Variants in TRERF1 observed in about 807,000 individuals in gnomAD.
The protein encoded by TRERF1 is transcriptional-regulating factor 1.
A neutral mutation model predicts 122.9 loss-of-function variants in TRERF1; 27 were observed. The observed-to-expected ratio is 0.22, with a 90% confidence interval of 0.16 to 0.30. The LOEUF is 0.30. Ranked by LOEUF, TRERF1 falls within the 10% of genes least tolerant of loss-of-function variation. The pLI, the probability that TRERF1 is intolerant of heterozygous loss-of-function variation, is 1.00. For missense variants in TRERF1, 1,248 were observed against 1,560.3 expected, an observed-to-expected ratio of 0.80 and a Z score of 3.37; for synonymous variants, 636 against 641.7, an observed-to-expected ratio of 0.99 and a Z score of 0.13.
intron 3 of TRERF1, among the ~76,000 whole-genome samples, chr6:42,335,873 T>C (rs1766069727): frequency 6.6e-6 from 1 of 152,230 alleles, no homozygotes. Context: ...TACTTGCCTG[T>C]TTATGTAATA....
At chr6:42,414,808 T>C (rs568845132) in intron 2 of TRERF1, among the ~76,000 whole-genome samples, 1 of 152,372 alleles carries the variant, frequency 6.6e-6, no homozygotes, top group South Asian at 2.1e-4. Flanking sequence ...CAGGTTTTAT[T>C]TAGCCCATCT....
chr6:42,296,865 A>G (rs955896905), intron 4 of TRERF1, among the ~76,000 whole-genome samples: 3 of 152,216 alleles, frequency 2.0e-5, no homozygotes, highest in Non-Finnish European at 4.4e-5. Flanking sequence ...GGAATGAAGC[A>G]GGAGGGCTGC....
Position 42,263,480 on chromosome 6 carries a change from T to C in TRERF1, c.1724A>G (p.Glu575Gly). 1 of 1,588,714 alleles carries C rather than the reference T, an allele frequency of 6.3e-7. No homozygotes were observed. The highest frequency in any genetic ancestry group is 8.6e-7 in the Non-Finnish European group (1 of 1,164,352). Residue 575 changes from glutamate to glycine, a missense_variant, in exon 8 of 18, where the codon GAG becomes GGG. Physicochemically the swap from Glu to Gly is moderately conservative, Grantham distance 98. This residue lies in a region of TRERF1 where 946 missense variants were observed against 1,073.0 expected (regional missense o/e 0.88). Transcript: ENST00000372922. The surrounding 1 kb of genome is among the most constrained non-coding windows in gnomAD (Gnocchi z 5.6). Reference sequence around the variant, plus strand: ...GACCATAGGCGTGAGGCTTTCTGCCTCGGGAGGGAGCTGTGGTGGCGGCGG... The same window carrying C: ...GACCATAGGCGTGAGGCTTTCTGCCCCGGGAGGGAGCTGTGGTGGCGGCGG...
In TRERF1 at chr6:42,378,817, C is replaced by A. The variant is rs555413294; in HGVS notation, c.-453-15738G>T. 9.2e-5 allele frequency among the ~76,000 whole-genome samples: 14 copies of A among 152,246 alleles called. No individual in the cohort carries two copies. The East Asian group carries it at 1.2e-3, about 13-fold the overall frequency. On this transcript the variant is annotated intron_variant, in intron 2 of 17. Coordinates refer to ENST00000372922, the Ensembl canonical transcript of TRERF1. ...AACCTCCCAATTTTATGAACACAAC[C>A]AAAATTTATATATTGTAGGCTGGGC...
chr6:42,309,503 C>G (rs1002803592), intron 3 of TRERF1, among the ~76,000 whole-genome samples: 2 of 152,176 alleles, frequency 1.3e-5, no homozygotes, highest in Non-Finnish European at 2.9e-5. Flanking sequence ...GTTATATGTG[C>G]AAAATGCTCT....
At chr6:42,253,378 C>T (rs1776179235) in intron 13 of TRERF1, among the ~76,000 whole-genome samples, 1 of 152,282 alleles carries the variant, frequency 6.6e-6, no homozygotes, top group East Asian at 1.9e-4. Flanking sequence ...ACTGTCCCAC[C>T]ATCATGCAAA....
At chr6:42,350,094 A>T (rs778388235) in intron 3 of TRERF1, among the ~76,000 whole-genome samples, 4 of 152,018 alleles carry the variant, frequency 2.6e-5, no homozygotes, top group Admixed American at 6.6e-5. Context: ...CATTTGGGAG[A>T]CCAAAGGGAC....
chr6:42,243,495 G>T (rs1582511946), intron 14 of TRERF1, 134 bp from the exon 15 acceptor site: 3 of 608,378 alleles, frequency 4.9e-6, no homozygotes, highest in Admixed American at 2.8e-5. Flanking sequence ...TGTACCTGGT[G>T]AAAGGCCTCC....
chr6:42,359,305 A>G (rs1771241879), intron 3 of TRERF1, among the ~76,000 whole-genome samples: 2 of 152,224 alleles, frequency 1.3e-5, no homozygotes, highest in Admixed American at 1.3e-4. Flanking sequence ...GTACTGCAGT[A>G]TCTCACTCAA....
At chr6:42,236,897 A>G (rs1227353336) in intron 15 of TRERF1, among the ~76,000 whole-genome samples, 2 of 152,190 alleles carry the variant, frequency 1.3e-5, no homozygotes, top group Non-Finnish European at 2.9e-5. Context: ...ATAACACACC[A>G]TGCAAGATAC....
rs1491003033 is a variant in TRERF1 at position 42,278,795 on chromosome 6, C to T, written c.-258-8947G>A. On this transcript the variant is annotated intron_variant, in intron 4 of 17. Transcript: ENST00000372922. ...ACATGTGTCCCCTAAGGAGGAGCTG[C>T]TAAGAGAATTTCAGAATCAATCATC... Among the ~76,000 whole-genome samples, 5 of 152,146 alleles carry T rather than the reference C, an allele frequency of 3.3e-5. No individual in the cohort carries two copies. The East Asian group carries it at 9.6e-4, about 29-fold the overall frequency.
At chr6:42,299,729 C>T (rs1396705274) in intron 4 of TRERF1, among the ~76,000 whole-genome samples, 2 of 152,088 alleles carry the variant, frequency 1.3e-5, no homozygotes, top group Non-Finnish European at 2.9e-5. Context: ...AAAAAAGGAG[C>T]CCACGGAAGT....
intron 15 of TRERF1, among the ~76,000 whole-genome samples, chr6:42,242,224 T>C (rs968042971): frequency 2.0e-5 from 3 of 152,344 alleles, no homozygotes; most frequent in African/African-American, 4.8e-5. Context: ...TCCTACTGCA[T>C]AGAATTGGTA....
At chr6:42,424,457 A>T (rs1783304878) in intron 2 of TRERF1, among the ~76,000 whole-genome samples, 1 of 152,190 alleles carries the variant, frequency 6.6e-6, no homozygotes, top group African/African-American at 2.4e-5. Flanking sequence ...TCATGCATAA[A>T]ATTATTTTAT....
intron 2 of TRERF1, among the ~76,000 whole-genome samples, chr6:42,378,347 G>C (rs1440900448): frequency 1.3e-5 from 2 of 150,320 alleles, no homozygotes; most frequent in Admixed American, 6.6e-5. Flanking sequence ...AAACTTGTTT[G>C]ATCTTGTGAT....
intron 5 of TRERF1, among the ~76,000 whole-genome samples, chr6:42,267,709 C>G (rs1248533041): frequency 6.6e-6 from 1 of 152,194 alleles, no homozygotes; most frequent in Non-Finnish European, 1.5e-5. Context: ...CCAGCAATAT[C>G]CATTAAACAC....
chr6:42,271,706 T>C (rs1396368292), intron 4 of TRERF1, among the ~76,000 whole-genome samples: 1 of 152,210 alleles, frequency 6.6e-6, no homozygotes, highest in East Asian at 1.9e-4. Context: ...ACATTAAATG[T>C]TTTGATCAAC....
chr6:42,235,189 T>C (rs756998865), intron 16 of TRERF1, among the ~76,000 whole-genome samples: 1 of 152,210 alleles, frequency 6.6e-6, no homozygotes, highest in Admixed American at 6.5e-5. Flanking sequence ...AAGTGACAGG[T>C]AAGCAGCATT....
At chr6:42,262,475 G>C (rs150775949) in intron 8 of TRERF1, among the ~76,000 whole-genome samples, 6 of 2,984 alleles carry the variant, frequency 2.0e-3, no homozygotes, top group Non-Finnish European at 3.2e-3. Flanking sequence ...AGGAGAGAGA[G>C]AGAGAGAGAG....
Sources: gnomAD v4.1 joint callset for allele counts (sites outside exome capture counted in the v4.1 genomes callset) on GRCh38, gnomAD v4.1.1 for gene constraint, gnomAD v4.1.1 regional missense constraint, Gnocchi (gnomAD v3.1) non-coding constraint, MANE v1.5 for transcripts, NCBI Gene and HGNC (gene_info 2026-07-23, HGNC 2026-07-21) for gene names.